The following TAFA5 variants were observed in gnomAD, a reference collection of about 807,000 sequenced individuals.
The protein encoded by TAFA5 is chemokine-like protein TAFA-5.
TAFA5 carries 6 observed loss-of-function variants against 15.3 expected under a neutral mutation model. That is an observed-to-expected ratio of 0.39 (90% CI 0.21 to 0.77). The LOEUF (loss-of-function observed/expected upper bound fraction) is 0.77. Ranked by LOEUF, TAFA5 falls within the 30% of genes least tolerant of loss-of-function variation. TAFA5 has a pLI of 0.41. For synonymous variants in TAFA5, 103 were observed against 80.7 expected, an observed-to-expected ratio of 1.28 and a Z score of -1.48; for missense variants, 161 against 193.1, an observed-to-expected ratio of 0.83 and a Z score of 0.98.
In TAFA5 at chr22:48,750,231, C is replaced by G. The variant is rs925404389; in HGVS notation, c.*384C>G. On this transcript the variant is annotated 3_prime_UTR_variant, in exon 4 of 4. Coordinates refer to ENST00000402357, the MANE Select transcript of TAFA5 (RefSeq NM_001082967.3). ...GCCCGCCTGAGACACGACGCCTGCC[C>G]CAGGGGACTGTCAGGCACAGAAGCG... is the stretch of plus-strand genomic sequence containing the variant. 1.3e-5 allele frequency: 4 copies of G among 319,936 alleles called. No homozygotes were observed. The highest frequency in any genetic ancestry group is 8.6e-5 in the African/African-American group (4 of 46,372). 19.8% of individuals were successfully genotyped at this position (319,936 alleles called of 1,614,324 possible).
chr22:48,694,064 TG>T (rs1928626067), intron 2 of TAFA5, among the ~76,000 whole-genome samples: 1 of 152,190 alleles, frequency 6.6e-6, no homozygotes, highest in Non-Finnish European at 1.5e-5. Context: ...GGAGGCTGAC[TG>T]CATCCATGTT....
intron 3 of TAFA5, among the ~76,000 whole-genome samples, chr22:48,723,041 C>T (rs1929616716): frequency 6.6e-6 from 1 of 152,194 alleles, no homozygotes; most frequent in Admixed American, 6.5e-5. Flanking sequence ...CCGCCCTCTA[C>T]CTGTGCCCAG....
intron 1 of TAFA5, among the ~76,000 whole-genome samples, chr22:48,643,865 C>T (rs1396559209): frequency 2.0e-5 from 3 of 152,172 alleles, no homozygotes; most frequent in East Asian, 1.9e-4. Context: ...GTCAAGGTGG[C>T]GGCAACGCAG....
intron 1 of TAFA5, among the ~76,000 whole-genome samples, chr22:48,511,019 G>C (rs1208750599): frequency 6.6e-6 from 1 of 152,252 alleles, no homozygotes; most frequent in Non-Finnish European, 1.5e-5. Context: ...GGATATTGCT[G>C]TCATCTGTTA....
intron 1 of TAFA5, among the ~76,000 whole-genome samples, chr22:48,580,599 G>A (rs1371779485): frequency 6.6e-6 from 1 of 152,172 alleles, no homozygotes. Context: ...GTGAGGGCTC[G>A]AGGCTGCACC....
At chr22:48,679,803 G>A (rs946658605) in intron 2 of TAFA5, among the ~76,000 whole-genome samples, 1 of 149,852 alleles carries the variant, frequency 6.7e-6, no homozygotes, top group Admixed American at 6.7e-5. Flanking sequence ...TCCTGGTGTG[G>A]CTGAAGATGT....
intron 1 of TAFA5, among the ~76,000 whole-genome samples, chr22:48,597,778 C>T (rs960060254): frequency 6.6e-6 from 1 of 152,258 alleles, no homozygotes; most frequent in Non-Finnish European, 1.5e-5. Context: ...TCCAGACACA[C>T]GTGGTAGGCA....
chr22:48,717,343 T>C, intron 3 of TAFA5, among the ~76,000 whole-genome samples: 1 of 152,236 alleles, frequency 6.6e-6, no homozygotes, highest in South Asian at 2.1e-4. Flanking sequence ...GCTCCAGCCC[T>C]GGACATCCCA....
At chr22:48,662,989 C>T (rs1384024156) in intron 2 of TAFA5, among the ~76,000 whole-genome samples, 3 of 152,198 alleles carry the variant, frequency 2.0e-5, no homozygotes, top group African/African-American at 4.8e-5. Flanking sequence ...GCAGCTCATG[C>T]CTCCCACAGG....
chr22:48,627,176 A>G (rs1422236600), intron 1 of TAFA5, among the ~76,000 whole-genome samples: 1 of 152,222 alleles, frequency 6.6e-6, no homozygotes, highest in African/African-American at 2.4e-5. Context: ...GGTTAAGCAG[A>G]AGAAACCTGA....
chr22:48,696,483 G>C (rs538606774), intron 2 of TAFA5, among the ~76,000 whole-genome samples: 2 of 152,298 alleles, frequency 1.3e-5, no homozygotes, highest in South Asian at 4.1e-4. Flanking sequence ...GGAGGTGAAG[G>C]TGAAGGTCTG....
intron 1 of TAFA5, among the ~76,000 whole-genome samples, chr22:48,568,492 C>T (rs1046157616): frequency 6.6e-6 from 1 of 152,152 alleles, no homozygotes; most frequent in African/African-American, 2.4e-5. Context: ...CTGGCTGGGA[C>T]ATCTCTCGGA....
intron 1 of TAFA5, among the ~76,000 whole-genome samples, chr22:48,500,660 G>A (rs1205722902): frequency 2.0e-5 from 3 of 152,238 alleles, no homozygotes; most frequent in East Asian, 3.9e-4. Context: ...CCTGACTTGC[G>A]CTTCCCGTGA....
At chr22:48,595,471 A>C (rs1924732435) in intron 1 of TAFA5, among the ~76,000 whole-genome samples, 1 of 152,218 alleles carries the variant, frequency 6.6e-6, no homozygotes, top group South Asian at 2.1e-4. Flanking sequence ...TAGATCCGCA[A>C]GTGCTGCCGG....
chr22:48,710,891 T>C (rs1929231216), intron 3 of TAFA5, among the ~76,000 whole-genome samples: 1 of 152,158 alleles, frequency 6.6e-6, no homozygotes, highest in Non-Finnish European at 1.5e-5. Context: ...CTGGGTGAGC[T>C]GGAGTGACTG....
intron 1 of TAFA5, among the ~76,000 whole-genome samples, chr22:48,570,669 A>G (rs1923551780): frequency 6.6e-6 from 1 of 152,336 alleles, no homozygotes; most frequent in South Asian, 2.1e-4. Context: ...CCATTAAAAC[A>G]CTGCCTTCCT....
intron 1 of TAFA5, among the ~76,000 whole-genome samples, chr22:48,638,555 A>G (rs1197575962): frequency 7.9e-6 from 1 of 126,606 alleles, no homozygotes; most frequent in East Asian, 2.6e-4. Flanking sequence ...CACCACACAC[A>G]GGCGGGACCC....
chr22:48,554,536 A>G (rs1033382797), intron 1 of TAFA5, among the ~76,000 whole-genome samples: 1 of 152,238 alleles, frequency 6.6e-6, no homozygotes, highest in Non-Finnish European at 1.5e-5. Context: ...ATGGATTTCA[A>G]AGAATGAGAC....
At position 48,676,956 on chromosome 22, in the gene TAFA5, T is replaced by G. The variant is rs11914052; in HGVS notation, c.262+30210T>G. Among the ~76,000 whole-genome samples the G allele has an allele frequency of 8.0e-3, 1,222 of 152,318 alleles. 25 individuals carry two copies. Among genetic ancestry groups the G allele is most frequent in the African/African-American group, 0.028 (1,145 of 41,566 alleles). ...CACCTTTTTGAGCTGTCATTACCAC[T>G]GGGCTCCCAGGGGCAGCCCTGGGTA... On this transcript the variant is annotated intron_variant, in intron 2 of 3. Coordinates refer to ENST00000402357, the MANE Select transcript of TAFA5 (RefSeq NM_001082967.3).
Sources: gnomAD v4.1 joint callset for allele counts (sites outside exome capture counted in the v4.1 genomes callset) on GRCh38, gnomAD v4.1.1 for gene constraint, MANE v1.5 for transcripts, NCBI Gene and HGNC (gene_info 2026-07-23, HGNC 2026-07-21) for gene names.